Variants in CELF2 observed in about 807,000 individuals in gnomAD.
The protein encoded by CELF2 is CUG triplet repeat RNA-binding protein 2.
A neutral mutation model predicts 62.6 loss-of-function variants in CELF2; 8 were observed. The ratio of observed to expected loss-of-function variants is 0.13; its 90% confidence interval spans 0.07 to 0.23. CELF2 has a LOEUF of 0.23. Ranked by LOEUF, CELF2 falls within the 10% of genes least tolerant of loss-of-function variation. The pLI, the probability that CELF2 is intolerant of heterozygous loss-of-function variation, is 1.00. For synonymous variants in CELF2, 258 were observed against 250.0 expected (o/e 1.03, Z -0.30); for missense variants, 333 against 671.0 (o/e 0.50, Z 5.56).
intron 1 of CELF2, among the ~76,000 whole-genome samples, chr10:11,140,488 G>A (rs1015104959): frequency 7.2e-5 from 11 of 152,122 alleles, no homozygotes; most frequent in Non-Finnish European, 1.5e-4. Context: ...ATAGTCACCC[G>A]TCCATCCACC....
intron 1 of CELF2, among the ~76,000 whole-genome samples, chr10:11,094,627 G>A (rs991241286): frequency 6.6e-6 from 1 of 152,188 alleles, no homozygotes; most frequent in Admixed American, 6.5e-5. Flanking sequence ...GTGTCTATAT[G>A]TTAAATACAT....
intron 2 of CELF2, among the ~76,000 whole-genome samples, chr10:11,179,046 A>G (rs954474476): frequency 3.3e-5 from 5 of 152,226 alleles, no homozygotes; most frequent in Admixed American, 2.6e-4. Context: ...AGATTAAGTG[A>G]TATTTTAAGC....
At chr10:10,597,990 C>G in the CELF2 span, among the ~76,000 whole-genome samples, 1 of 152,158 alleles carries the variant, frequency 6.6e-6, no homozygotes, top group African/African-American at 2.4e-5. Flanking sequence ...GACACTACCT[C>G]TTTGTGCAAA....
At chr10:11,083,254 A>G (rs1404211628) in intron 1 of CELF2, among the ~76,000 whole-genome samples, 1 of 152,230 alleles carries the variant, frequency 6.6e-6, no homozygotes, top group East Asian at 1.9e-4. Flanking sequence ...TATCACTTTG[A>G]CAGATGCTCA....
chr10:11,130,144 C>A (rs12764804), intron 1 of CELF2, among the ~76,000 whole-genome samples: 2 of 152,200 alleles, frequency 1.3e-5, no homozygotes, highest in Non-Finnish European at 2.9e-5. Context: ...AGTGGTCATT[C>A]AGGAGCAGGT....
At chr10:11,065,409 C>G (rs2067829059) in intron 1 of CELF2, among the ~76,000 whole-genome samples, 3 of 152,090 alleles carry the variant, frequency 2.0e-5, no homozygotes, top group African/African-American at 7.2e-5. Context: ...GAAATGAGCT[C>G]AGATTCTTTT....
chr10:10,732,864 T>C, the CELF2 span, among the ~76,000 whole-genome samples: 1 of 152,124 alleles, frequency 6.6e-6, no homozygotes, highest in East Asian at 1.9e-4. Flanking sequence ...TCTGAACCTG[T>C]TCACCAACAC....
At chr10:10,687,707 A>T in the CELF2 span, among the ~76,000 whole-genome samples, 1 of 152,200 alleles carries the variant, frequency 6.6e-6, no homozygotes, top group Non-Finnish European at 1.5e-5. Flanking sequence ...TAAATTTTGT[A>T]TCTAATTTCT....
At chr10:10,662,863 G>T in the CELF2 span, among the ~76,000 whole-genome samples, 4 of 152,126 alleles carry the variant, frequency 2.6e-5, no homozygotes, top group African/African-American at 9.7e-5. Flanking sequence ...AACATCAAAT[G>T]CTTCCATGGC....
chr10:10,499,851 T>G, the CELF2 span, among the ~76,000 whole-genome samples: 35 of 152,142 alleles, frequency 2.3e-4, no homozygotes, highest in African/African-American at 8.0e-4. Context: ...GCACTCCAGC[T>G]TGGGCAACAG....
intron 1 of CELF2, among the ~76,000 whole-genome samples, chr10:11,028,308 T>A (rs929228407): frequency 5.3e-5 from 8 of 152,154 alleles, no homozygotes; most frequent in Non-Finnish European, 8.8e-5. Context: ...TTGATTTTCT[T>A]ATGGGAAGAG....
At chr10:10,921,100 G>A (rs989014159) in intron 2 of CELF2, among the ~76,000 whole-genome samples, 1 of 151,792 alleles carries the variant, frequency 6.6e-6, no homozygotes, top group Non-Finnish European at 1.5e-5. Context: ...GATTACAGGA[G>A]ACTGCCACCA....
intron 1 of CELF2, among the ~76,000 whole-genome samples, chr10:11,103,507 T>TTTTTA (rs2052460688): frequency 6.7e-6 from 1 of 150,312 alleles, no homozygotes; most frequent in African/African-American, 2.4e-5. Flanking sequence ...TTTTTTTTTT[T>TTTTTA]ACTGTGAACT....
chr10:10,465,004 C>G, the CELF2 span, among the ~76,000 whole-genome samples: 5 of 152,194 alleles, frequency 3.3e-5, no homozygotes, highest in East Asian at 9.6e-4. Flanking sequence ...TGAGCTCTTG[C>G]GGCATTTGGG....
chr10:10,984,224 G>A lies in CELF2; in HGVS notation c.89+64225G>A, dbSNP rs941051288. Among the ~76,000 whole-genome samples the A allele has an allele frequency of 6.6e-5, 10 of 152,146 alleles. No homozygotes were observed. In the South Asian group the frequency reaches 1.2e-3, roughly 19 times the overall value. ...ACACAGAGGGTCGAGTCAGAGATCC[G>A]CTCCAAGCCCTATCTTACTCTAGTG... On this transcript the variant is annotated intron_variant, in intron 2 of 13. Transcript: ENST00000636488.
chr10:10,641,727 G>A, the CELF2 span, among the ~76,000 whole-genome samples: 8 of 152,198 alleles, frequency 5.3e-5, no homozygotes, highest in African/African-American at 1.9e-4. Context: ...GGGATTTCAG[G>A]AGTGATCCAC....
At chr10:11,058,569 C>T (rs780462048) in intron 1 of CELF2, among the ~76,000 whole-genome samples, 6 of 148,228 alleles carry the variant, frequency 4.0e-5, no homozygotes, top group Non-Finnish European at 7.4e-5. Flanking sequence ...CAGGTTCAAG[C>T]GATTCTCCTG....
chr10:10,716,467 A>G, the CELF2 span, among the ~76,000 whole-genome samples: 2 of 152,158 alleles, frequency 1.3e-5, no homozygotes, highest in Non-Finnish European at 2.9e-5. Context: ...CTTGAGCCCA[A>G]GAAGTCGAGG....
intron 1 of CELF2, among the ~76,000 whole-genome samples, chr10:11,129,485 T>C (rs184508017): frequency 5.1e-4 from 77 of 152,324 alleles, no homozygotes; most frequent in African/African-American, 1.6e-3. Flanking sequence ...CTGGTAGAAT[T>C]CAGCTGTGAA....
Sources: allele counts gnomAD v4.1 joint callset (sites outside exome capture counted in the v4.1 genomes callset), GRCh38; gene constraint gnomAD v4.1.1; transcripts MANE v1.5; gene names NCBI Gene and HGNC (gene_info 2026-07-23, HGNC 2026-07-21).